The following CDH18 variants were observed in gnomAD, a reference collection of about 807,000 sequenced individuals.
CDH18 encodes the protein cadherin 18.
CDH18 carries 31 observed loss-of-function variants against 67.9 expected under a neutral mutation model. The ratio of observed to expected loss-of-function variants is 0.46; its 90% CI spans 0.34 to 0.62. CDH18 has a LOEUF of 0.62. CDH18 is among the 20% of genes least tolerant of loss of function. The probability of loss-of-function intolerance (pLI) is 0.01; values close to 1 mark genes in which losing one functional copy is unlikely to be tolerated. For missense variants in CDH18, 890 were observed against 975.5 expected (o/e 0.91, Z 1.17); for synonymous variants, 362 against 347.2 (o/e 1.04, Z -0.48).
chr5:19,886,318 G>T (rs1788192041), intron 2 of CDH18: 1 of 152,136 alleles, frequency 6.6e-6, no homozygotes, highest in African/African-American at 2.4e-5. Flanking sequence ...GACATGGTGA[G>T]TCAAAGCCAC....
At chr5:20,120,440 G>C (rs1290987067) in intron 2 of CDH18, among the ~76,000 whole-genome samples, 1 of 151,894 alleles carries the variant, frequency 6.6e-6, no homozygotes, top group African/African-American at 2.4e-5. Context: ...ATATAAACTG[G>C]GGCACAGCGG....
At chr5:19,791,229 C>T (rs1776317996) in intron 3 of CDH18, among the ~76,000 whole-genome samples, 1 of 151,966 alleles carries the variant, frequency 6.6e-6, no homozygotes, top group Admixed American at 6.6e-5. Flanking sequence ...ATGAGAGTGG[C>T]AGTGCGTGTG....
intron 3 of CDH18, among the ~76,000 whole-genome samples, chr5:19,788,773 T>C (rs867352044): frequency 2.6e-5 from 4 of 152,150 alleles, no homozygotes; most frequent in Non-Finnish European, 5.9e-5. Flanking sequence ...TAAATACCAA[T>C]ACATTATAGT....
chr5:20,485,327 T>C (rs943569902), intron 1 of CDH18, among the ~76,000 whole-genome samples: 6 of 152,176 alleles, frequency 3.9e-5, no homozygotes, highest in Non-Finnish European at 7.4e-5. Flanking sequence ...GACATGTGTG[T>C]AATGTTTATT....
chr5:20,001,729 G>A (rs994585946), intron 2 of CDH18, among the ~76,000 whole-genome samples: 6 of 152,088 alleles, frequency 3.9e-5, no homozygotes, highest in East Asian at 1.9e-4. Context: ...GGTCTCTTGC[G>A]TTGTATAAGC....
chr5:19,786,801 T>C (rs770337951), intron 3 of CDH18, among the ~76,000 whole-genome samples: 3 of 152,008 alleles, frequency 2.0e-5, no homozygotes, highest in Non-Finnish European at 2.9e-5. Context: ...CTTTAGTTCT[T>C]CTAATTTACA....
At chr5:19,673,545 A>C (rs1194293975) in intron 5 of CDH18, among the ~76,000 whole-genome samples, 1 of 152,088 alleles carries the variant, frequency 6.6e-6, no homozygotes, top group Admixed American at 6.6e-5. Context: ...ATTATAAATC[A>C]TCAGATATAT....
At chr5:20,413,222 T>G (rs1353137799) in intron 1 of CDH18, among the ~76,000 whole-genome samples, 5 of 152,214 alleles carry the variant, frequency 3.3e-5, no homozygotes, top group Non-Finnish European at 7.3e-5. Context: ...TGATGGACAT[T>G]TGGGTTGGTT....
At chr5:19,782,540 A>G (rs1388496288) in intron 3 of CDH18, among the ~76,000 whole-genome samples, 1 of 152,144 alleles carries the variant, frequency 6.6e-6, no homozygotes, top group Non-Finnish European at 1.5e-5. Flanking sequence ...ATTCAAATGT[A>G]TGTAATGAAA....
At chr5:19,843,604 A>C (rs1192182076) in intron 2 of CDH18, among the ~76,000 whole-genome samples, 1 of 152,240 alleles carries the variant, frequency 6.6e-6, no homozygotes, top group Non-Finnish European at 1.5e-5. Context: ...GGCACTGCCT[A>C]GTGAAGCTGT....
At chr5:20,503,995 G>A (rs998807419) in intron 1 of CDH18, among the ~76,000 whole-genome samples, 12 of 150,974 alleles carry the variant, frequency 7.9e-5, no homozygotes, top group East Asian at 2.0e-4. Context: ...CCCAGATCAC[G>A]CCACTGCTCT....
chr5:20,169,800 A>G (rs1309288872), intron 2 of CDH18, among the ~76,000 whole-genome samples: 1 of 152,128 alleles, frequency 6.6e-6, no homozygotes, highest in Non-Finnish European at 1.5e-5. Context: ...AATGTAATGA[A>G]TGAAATTAGC....
At chr5:20,072,068 G>A (rs564102173) in intron 2 of CDH18, among the ~76,000 whole-genome samples, 1 of 152,122 alleles carries the variant, frequency 6.6e-6, no homozygotes, top group South Asian at 2.1e-4. Flanking sequence ...AAAATACCAG[G>A]TTAAAATTCT....
intron 1 of CDH18, among the ~76,000 whole-genome samples, chr5:20,499,241 A>C (rs1339870749): frequency 2.0e-5 from 3 of 152,140 alleles, no homozygotes; most frequent in African/African-American, 7.2e-5. Context: ...TGGTATTCGC[A>C]TACAAGCTAA....
chr5:19,474,718 T>C lies in CDH18; in HGVS notation c.1883-1002A>G, dbSNP rs536309284. Among the ~76,000 whole-genome samples, 4 of 152,244 alleles carry C rather than the reference T, an allele frequency of 2.6e-5. No homozygotes were observed. In the South Asian group the frequency reaches 8.3e-4, roughly 32 times the overall value. ...ACTATAAAAATACTCTACTTCAGTA[T>C]TTCAAAGACATGAAATAATAAACTG... On this transcript the variant is annotated intron_variant, in intron 12 of 12. Transcript: ENST00000382275.
At chr5:20,573,055 C>A (rs887690609) in intron 1 of CDH18, among the ~76,000 whole-genome samples, 6 of 152,038 alleles carry the variant, frequency 3.9e-5, no homozygotes, top group African/African-American at 9.7e-5. Flanking sequence ...TTTTTAAAAA[C>A]ACTTTCTTTT....
chr5:20,130,058 A>ATAC (rs1554093972), intron 2 of CDH18, among the ~76,000 whole-genome samples: 9 of 140,430 alleles, frequency 6.4e-5, no homozygotes, highest in Non-Finnish European at 1.2e-4. Flanking sequence ...TTTAGTGGCA[A>ATAC]TATTATTATT....
At chr5:20,281,149 C>G (rs555440585) in intron 1 of CDH18, among the ~76,000 whole-genome samples, 259 of 152,096 alleles carry the variant, frequency 1.7e-3, no homozygotes, top group African/African-American at 6.0e-3. Context: ...TTCTCCCATT[C>G]TGTAGGTTGC....
intron 2 of CDH18, among the ~76,000 whole-genome samples, chr5:19,995,422 A>G (rs1017542558): frequency 1.3e-5 from 2 of 152,170 alleles, no homozygotes; most frequent in African/African-American, 4.8e-5. Context: ...AAATGTCTTA[A>G]TGCAGCTAGG....
Sources: gnomAD v4.1 joint callset for allele counts (sites outside exome capture counted in the v4.1 genomes callset) on GRCh38, gnomAD v4.1.1 for gene constraint, MANE v1.5 for transcripts, NCBI Gene and HGNC (gene_info 2026-07-23, HGNC 2026-07-21) for gene names.